RAD51B: variants seen among roughly 807,000 people sequenced by gnomAD.
RAD51B encodes the protein RAD51 paralog B.
In RAD51B, 38 loss-of-function variants were observed where a neutral mutation model predicts 42.2. The observed-to-expected ratio is 0.90, with a 90% confidence interval of 0.70 to 1.18. RAD51B has a LOEUF of 1.18. Among genes scored for constraint, RAD51B ranks in the 50% most tolerant of loss-of-function variants. The probability of loss-of-function intolerance (pLI) is 0.00; values close to 1 mark genes in which losing one functional copy is unlikely to be tolerated. For missense variants in RAD51B, 373 were observed against 400.7 expected (o/e 0.93, Z 0.59); for synonymous variants, 154 against 145.2 (o/e 1.06, Z -0.43).
chr14:68,123,319 C>T (rs2077690569), intron 7 of RAD51B, among the ~76,000 whole-genome samples: 1 of 151,592 alleles, frequency 6.6e-6, no homozygotes, highest in Non-Finnish European at 1.5e-5. Flanking sequence ...TCCTGAGTAG[C>T]TGGGATCATA....
intron 4 of RAD51B, among the ~76,000 whole-genome samples, chr14:67,847,178 A>T (rs564967159): frequency 6.6e-6 from 1 of 152,020 alleles, no homozygotes; most frequent in South Asian, 2.1e-4. Flanking sequence ...CCCTCCAAAG[A>T]TCTCAGAATG....
At chr14:68,531,227 AAATAG>A (rs1887288158) in intron 10 of RAD51B, among the ~76,000 whole-genome samples, 1 of 152,094 alleles carries the variant, frequency 6.6e-6, no homozygotes, top group African/African-American at 2.4e-5. Context: ...GAAAGAAAAT[AAATAG>A]AAAACTAAAT....
chr14:67,944,827 G>A, intron 7 of RAD51B, among the ~76,000 whole-genome samples: 1 of 152,128 alleles, frequency 6.6e-6, no homozygotes, highest in East Asian at 1.9e-4. Context: ...AGTGTCCAAA[G>A]CTGACCTGGA....
chr14:67,883,015 G>A (rs936875204), intron 5 of RAD51B, among the ~76,000 whole-genome samples: 1 of 152,246 alleles, frequency 6.6e-6, no homozygotes, highest in African/African-American at 2.4e-5. Flanking sequence ...AGGGTGCTGG[G>A]ATTGCAGGCG....
At chr14:67,836,405 C>T (rs2041242909) in intron 4 of RAD51B, among the ~76,000 whole-genome samples, 1 of 151,990 alleles carries the variant, frequency 6.6e-6, no homozygotes, top group Admixed American at 6.5e-5. Context: ...TTGGAAGTTA[C>T]ACACCACTAC....
intron 10 of RAD51B, among the ~76,000 whole-genome samples, chr14:68,532,913 AG>A (rs1206163640): frequency 6.6e-6 from 1 of 152,234 alleles, no homozygotes; most frequent in East Asian, 1.9e-4. Context: ...TAGCAAAGTA[AG>A]AATAGGCAGG....
At chr14:68,545,642 G>C (rs1324864849) in intron 10 of RAD51B, 1 of 455,990 alleles carries the variant, frequency 2.2e-6, no homozygotes, top group Non-Finnish European at 4.4e-6. Flanking sequence ...CGGGGACAGG[G>C]CATGCCTATA....
At chr14:68,573,111 C>T (rs565297858) in intron 10 of RAD51B, among the ~76,000 whole-genome samples, 2 of 152,174 alleles carry the variant, frequency 1.3e-5, no homozygotes, top group Non-Finnish European at 2.9e-5. Flanking sequence ...CAACTCCCAG[C>T]AGCCAGGGTG....
intron 9 of RAD51B, among the ~76,000 whole-genome samples, chr14:68,416,653 A>T (rs1298771231): frequency 6.6e-6 from 1 of 152,224 alleles, no homozygotes; most frequent in African/African-American, 2.4e-5. Context: ...TGTTAGCATC[A>T]AACCTTGACA....
intron 7 of RAD51B, among the ~76,000 whole-genome samples, chr14:68,171,689 C>A (rs2078874483): frequency 6.6e-6 from 1 of 151,992 alleles, no homozygotes; most frequent in African/African-American, 2.4e-5. Context: ...TACCTTTCAT[C>A]TTGTTTGTCA....
intron 7 of RAD51B, among the ~76,000 whole-genome samples, chr14:68,071,836 G>A (rs543295691): frequency 6.6e-6 from 1 of 151,412 alleles, no homozygotes; most frequent in South Asian, 2.1e-4. Flanking sequence ...TAATAGGATA[G>A]GTAGAACTCT....
intron 5 of RAD51B, among the ~76,000 whole-genome samples, chr14:67,872,112 A>G (rs932884926): frequency 2.1e-4 from 31 of 151,038 alleles, no homozygotes; most frequent in African/African-American, 6.8e-4. Context: ...AGAAGGAAAT[A>G]AAGGGTATTC....
At chr14:67,926,586 A>C (rs904478745) in intron 7 of RAD51B, among the ~76,000 whole-genome samples, 3 of 94,408 alleles carry the variant, frequency 3.2e-5, no homozygotes, top group African/African-American at 1.3e-4. Flanking sequence ...TTTTTTTGAG[A>C]CTGAGTCTTG....
chr14:68,370,741 G>C (rs558229087), intron 8 of RAD51B, among the ~76,000 whole-genome samples: 2 of 152,120 alleles, frequency 1.3e-5, no homozygotes, highest in Non-Finnish European at 2.9e-5. Context: ...AATGTGAAGT[G>C]TATTTTAAAA....
intron 7 of RAD51B, among the ~76,000 whole-genome samples, chr14:67,894,062 T>C (rs756534052): frequency 6.6e-6 from 1 of 152,202 alleles, no homozygotes; most frequent in Non-Finnish European, 1.5e-5. Flanking sequence ...AATAAGTATT[T>C]ATCCCAGCTC....
At chr14:68,202,446 T>C (rs1438209078) in intron 7 of RAD51B, among the ~76,000 whole-genome samples, 2 of 152,214 alleles carry the variant, frequency 1.3e-5, no homozygotes, top group African/African-American at 4.8e-5. Context: ...GCTGTTGCCT[T>C]ATCAACTACG....
At chr14:68,077,586 A>G (rs1477062429) in intron 7 of RAD51B, among the ~76,000 whole-genome samples, 2 of 152,262 alleles carry the variant, frequency 1.3e-5, no homozygotes, top group Non-Finnish European at 2.9e-5. Context: ...CTCCGAGAAC[A>G]AAACCCCAAT....
intron 9 of RAD51B, among the ~76,000 whole-genome samples, chr14:68,428,346 T>A (rs904407593): frequency 2.6e-5 from 4 of 152,074 alleles, no homozygotes; most frequent in Non-Finnish European, 1.5e-5. Flanking sequence ...GCATTTTAAA[T>A]TTTTTTTAAT....
At chr14:68,663,740 A>G (rs1258187724) in intron 11 of RAD51B, among the ~76,000 whole-genome samples, 7 of 151,836 alleles carry the variant, frequency 4.6e-5, no homozygotes, top group African/African-American at 1.7e-4. Flanking sequence ...AGAATAGCAT[A>G]AGAGTTAAAG....
Sources: allele counts gnomAD v4.1 joint callset (sites outside exome capture counted in the v4.1 genomes callset), GRCh38; gene constraint gnomAD v4.1.1; transcripts MANE v1.5; gene names NCBI Gene and HGNC (gene_info 2026-07-23, HGNC 2026-07-21).